The following BCAR3 variants were observed in gnomAD, a reference collection of about 807,000 sequenced individuals.
The protein encoded by BCAR3 is breast cancer anti-estrogen resistance protein 3.
A neutral mutation model predicts 80.1 loss-of-function variants in BCAR3; 37 were observed. The observed-to-expected ratio is 0.46, with a 90% confidence interval of 0.36 to 0.61. BCAR3 has a LOEUF of 0.61. BCAR3 is among the 20% of genes least tolerant of loss of function. BCAR3 has a pLI of 0.00. For synonymous variants in BCAR3, 389 were observed against 418.9 expected (o/e 0.93, Z 0.87); for missense variants, 978 against 1,068.2 (o/e 0.92, Z 1.18).
chr1:93,624,828 C>T (rs1258243544), intron 3 of BCAR3, among the ~76,000 whole-genome samples: 3 of 152,256 alleles, frequency 2.0e-5, no homozygotes, highest in Non-Finnish European at 2.9e-5. Flanking sequence ...TGAGGGATGA[C>T]AGGCCACACA....
Position 93,764,658 on chromosome 1 carries a change from A to AG in BCAR3, c.-62-58517_-62-58516insC, listed in dbSNP as rs1652079087. 1.1e-4 allele frequency among the ~76,000 whole-genome samples: 16 copies of AG among 152,058 alleles called. 1 individual carries two copies. The highest frequency in any genetic ancestry group is 3.6e-4 in the African/African-American group (15 of 41,486). ...AGGAGACCTGGCTCCCCATGACACC[A>AG]AGCCTGCCCCTCCTGCCTCTCTCCT... On this transcript the variant is annotated intron_variant, in intron 2 of 13. Coordinates refer to the BCAR3 transcript ENST00000370244.
chr1:93,659,126 A>G (rs1647530487), intron 2 of BCAR3, among the ~76,000 whole-genome samples: 1 of 152,172 alleles, frequency 6.6e-6, no homozygotes, highest in South Asian at 2.1e-4. Context: ...CAACATCTCA[A>G]AATCTTAGCT....
At chr1:93,679,270 T>C (rs1648637369) in intron 1 of BCAR3, among the ~76,000 whole-genome samples, 2 of 152,248 alleles carry the variant, frequency 1.3e-5, no homozygotes, top group African/African-American at 2.4e-5. Context: ...GCTGCTCTTA[T>C]CTATCTTGTC....
intron 2 of BCAR3, among the ~76,000 whole-genome samples, chr1:93,725,753 A>T (rs1357240999): frequency 6.6e-6 from 1 of 152,246 alleles, no homozygotes; most frequent in African/African-American, 2.4e-5. Flanking sequence ...TGAAATCATT[A>T]ATCCACTAAG....
At chr1:93,753,116 T>A (rs900785863) in intron 2 of BCAR3, 1 of 152,230 alleles carries the variant, frequency 6.6e-6, no homozygotes, top group Non-Finnish European at 1.5e-5. Flanking sequence ...TGACTCAGGT[T>A]CAACTTTAAG....
intron 1 of BCAR3, among the ~76,000 whole-genome samples, chr1:93,846,195 C>G (rs1486188489): frequency 1.3e-5 from 2 of 152,316 alleles, no homozygotes; most frequent in African/African-American, 4.8e-5. Context: ...CCCAGGACTT[C>G]CCTTTCCCTC....
chr1:93,650,672 G>A (rs1037038867), intron 2 of BCAR3, among the ~76,000 whole-genome samples: 1 of 152,198 alleles, frequency 6.6e-6, no homozygotes, highest in African/African-American at 2.4e-5. Context: ...TAAGTAATAT[G>A]TGGGCATATA....
intron 2 of BCAR3, among the ~76,000 whole-genome samples, chr1:93,643,407 G>C (rs927766113): frequency 6.6e-6 from 1 of 150,660 alleles, no homozygotes; most frequent in Non-Finnish European, 1.5e-5. Context: ...ATAGCTGGGC[G>C]TAGTGGTGAG....
At chr1:93,584,150 T>C (rs1209869042) in intron 5 of BCAR3, 29 bp from the exon 6 acceptor site, 2 of 1,601,446 alleles carry the variant, frequency 1.2e-6, no homozygotes, top group African/African-American at 1.3e-5. Context: ...AGGATGGAAA[T>C]GTGTTACTAA....
Position 93,669,346 on chromosome 1 carries a change from T to C in BCAR3, c.317+5268A>G, listed in dbSNP as rs145337871. ...AATGTTTTAGAGGAAAAAAGCTGCATAGATTCTGGACCTTACATCTTTGCT... is the reference window on the plus strand; with the variant it reads ...AATGTTTTAGAGGAAAAAAGCTGCACAGATTCTGGACCTTACATCTTTGCT... On this transcript the variant is annotated intron_variant, in intron 2 of 11. Coordinates refer to ENST00000260502, the MANE Select transcript of BCAR3 (RefSeq NM_003567.4). Among the ~76,000 whole-genome samples the C allele has an allele frequency of 1.9e-3, 282 of 152,334 alleles. 2 individuals carry two copies. The highest frequency in any genetic ancestry group is 6.6e-3 in the African/African-American group (273 of 41,586).
At chr1:93,655,342 C>CA (rs1427110210) in intron 2 of BCAR3, among the ~76,000 whole-genome samples, 4 of 152,152 alleles carry the variant, frequency 2.6e-5, no homozygotes, top group Admixed American at 2.0e-4. Flanking sequence ...AGGATGTTGG[C>CA]ATCATCTGGA....
chr1:93,567,262 C>A lies in BCAR3; in HGVS notation c.2299+17G>T, dbSNP rs745950525. Reference sequence around the variant, plus strand: ...CGATACAGTGTTAGAGAACAGCTTACAAAACCCATCTCTTACCTGCCAGGA... The same window carrying A: ...CGATACAGTGTTAGAGAACAGCTTAAAAAACCCATCTCTTACCTGCCAGGA... On this transcript the variant is annotated intron_variant, in intron 11 of 11. Transcript: ENST00000260502. 6.2e-7 allele frequency: 1 copy of A among 1,612,662 alleles called. No individual in the cohort carries two copies. Among genetic ancestry groups the A allele is most frequent in the African/African-American group, 1.3e-5 (1 of 74,884 alleles).
intron 2 of BCAR3, among the ~76,000 whole-genome samples, chr1:93,760,992 C>T (rs769318026): frequency 1.2e-4 from 19 of 152,208 alleles, no homozygotes; most frequent in Non-Finnish European, 2.2e-4. Context: ...ATATAAGCCA[C>T]TCCTGTTGGA....
intron 6 of BCAR3, 99 bp downstream of exon 6, chr1:93,583,919 G>C: frequency 8.4e-7 from 1 of 1,193,956 alleles, no homozygotes. Flanking sequence ...CTGAGGCCTT[G>C]TGTCGTTTTC....
rs1673485566 is a variant in BCAR3, at chr1:93,576,990, C to CA, written c.1687-862dup. Among the ~76,000 whole-genome samples the CA allele has an allele frequency of 2.0e-5, 3 of 151,990 alleles. No individual in the cohort carries two copies. The South Asian group carries it at 6.2e-4, about 32-fold the overall frequency. On this transcript the variant is annotated intron_variant, in intron 7 of 11. Coordinates refer to ENST00000260502, the MANE Select transcript of BCAR3 (RefSeq NM_003567.4). ...GCAACATAGCGAGACCCCATCTTTACAAAAAAATTAAAAATTAGCCAGGCA... is the reference window on the plus strand; with the variant it reads ...GCAACATAGCGAGACCCCATCTTTACAAAAAAAATTAAAAATTAGCCAGGCA...
intron 8 of BCAR3, among the ~76,000 whole-genome samples, chr1:93,572,347 G>C (rs943937272): frequency 8.5e-5 from 13 of 152,352 alleles, no homozygotes; most frequent in African/African-American, 3.1e-4. Context: ...ACAAAGGCAG[G>C]AAAGAGGAGG....
intron 2 of BCAR3, among the ~76,000 whole-genome samples, chr1:93,840,774 A>G (rs1654932018): frequency 6.6e-6 from 1 of 152,240 alleles, no homozygotes. Context: ...ACAGTTAGAA[A>G]GCACGGATGT....
Position 93,567,419 on chromosome 1 carries a change from T to C in BCAR3, c.2159A>G (p.Gln720Arg). 1 of 1,607,366 alleles carries C rather than the reference T, an allele frequency of 6.2e-7. No individual in the cohort carries two copies. The highest frequency in any genetic ancestry group is 8.5e-7 in the Non-Finnish European group (1 of 1,176,114). ...LMPLVTLMER[Q>R]AVTFEGTDMW... is the part of the protein sequence containing the mutation. ...GTCGGTTCCTTCAAAAGTCACAGCC[T>C]GGCGCTCCATTAACGTCACAAGCGG... Residue 720 changes from glutamine to arginine, a missense_variant, in exon 11 of 12, where the codon CAG (glutamine) becomes CGG (arginine). Transcript: ENST00000260502.
chr1:93,726,062 T>C (rs1324597848), intron 2 of BCAR3, among the ~76,000 whole-genome samples: 1 of 150,572 alleles, frequency 6.6e-6, no homozygotes, highest in Non-Finnish European at 1.5e-5. Context: ...GTTATTAGCT[T>C]TTTTTTTTGT....
Sources: allele counts gnomAD v4.1 joint callset (sites outside exome capture counted in the v4.1 genomes callset), GRCh38; gene constraint gnomAD v4.1.1; transcripts MANE v1.5; gene names NCBI Gene and HGNC (gene_info 2026-07-23, HGNC 2026-07-21).